STIM1: variants seen among roughly 807,000 people sequenced by gnomAD.
STIM1 encodes stromal interaction molecule 1.
STIM1 carries 25 observed loss-of-function variants against 74.7 expected under a neutral mutation model. The ratio of observed to expected loss-of-function variants is 0.33; its 90% confidence interval spans 0.24 to 0.47. The LOEUF is 0.47. STIM1 is among the 20% of genes least tolerant of loss of function. The probability of loss-of-function intolerance (pLI) is 1.00; values close to 1 mark genes in which losing one functional copy is unlikely to be tolerated. For missense variants in STIM1, 728 were observed against 920.8 expected, an observed-to-expected ratio of 0.79 and a Z score of 2.71; for synonymous variants, 328 against 348.8, an observed-to-expected ratio of 0.94 and a Z score of 0.66.
chr11:3,878,245 A>G (rs925088922), intron 1 of STIM1, among the ~76,000 whole-genome samples: 3 of 152,108 alleles, frequency 2.0e-5, no homozygotes, highest in Non-Finnish European at 4.4e-5. Flanking sequence ...AGAAAAGGGA[A>G]CTTTTGCTGA....
At chr11:3,865,953 G>A (rs2090839094) in intron 1 of STIM1, among the ~76,000 whole-genome samples, 1 of 152,204 alleles carries the variant, frequency 6.6e-6, no homozygotes, top group East Asian at 1.9e-4. Flanking sequence ...TTTCTTTTGT[G>A]TGAGAAGTCA....
chr11:3,984,066 A>T (rs2093534121), intron 2 of STIM1, among the ~76,000 whole-genome samples: 1 of 151,792 alleles, frequency 6.6e-6, no homozygotes, highest in South Asian at 2.1e-4. Context: ...GGGGTTTCAT[A>T]TGTTGGTCAG....
In STIM1 at chr11:3,916,577, G is replaced by A. The variant is rs569298306; in HGVS notation, c.140-50975G>A. Among the ~76,000 whole-genome samples, 78 of 151,518 alleles carry A rather than the reference G, an allele frequency of 5.1e-4. 2 individuals carry two copies. The highest frequency in any genetic ancestry group is 1.3e-3 in the Admixed American group (20 of 15,176). ...AGTGATTCTCCTGCCTCAGCCTCCC[G>A]AGTAGCTGGGATTACAGGTGCCTGC... On this transcript the variant is annotated intron_variant, in intron 1 of 12. Coordinates refer to ENST00000526596, the MANE Select transcript of STIM1 (RefSeq NM_001382567.1).
chr11:3,869,772 T>G (rs891843173), intron 1 of STIM1, among the ~76,000 whole-genome samples: 28 of 152,236 alleles, frequency 1.8e-4, no homozygotes, highest in African/African-American at 6.5e-4. Context: ...TCACAGAATA[T>G]GCACAGTACA....
At chr11:3,878,600 C>T (rs1006379601) in intron 1 of STIM1, among the ~76,000 whole-genome samples, 1 of 152,150 alleles carries the variant, frequency 6.6e-6, no homozygotes, top group Non-Finnish European at 1.5e-5. Context: ...AGGTCTGTCT[C>T]ATTACAGAAT....
chr11:3,994,467 T>G (rs370337846), intron 2 of STIM1, among the ~76,000 whole-genome samples: 2 of 149,454 alleles, frequency 1.3e-5, no homozygotes, highest in Non-Finnish European at 3.0e-5. Flanking sequence ...TTCTTTCTTT[T>G]TTTTTTTTTT....
chr11:3,892,675 A>G (rs2091933011), intron 1 of STIM1: 1 of 1,612,240 alleles, frequency 6.2e-7, no homozygotes, highest in South Asian at 1.1e-5. Context: ...TGCTAGTGCC[A>G]TTATGGTGTG....
chr11:4,088,561 A>G (rs1014570473), intron 12 of STIM1: 9 of 722,746 alleles, frequency 1.2e-5, no homozygotes, highest in Non-Finnish European at 1.9e-5. Context: ...GAGAGGATCA[A>G]ATTGGGTTGG....
intron 1 of STIM1, among the ~76,000 whole-genome samples, chr11:3,919,366 CA>C (rs2092690016): frequency 6.6e-6 from 1 of 152,036 alleles, no homozygotes; most frequent in Non-Finnish European, 1.5e-5. Context: ...CCACCATGTC[CA>C]GCTAATTTTG....
chr11:4,025,263 C>T (rs1300709780), intron 3 of STIM1, among the ~76,000 whole-genome samples: 2 of 152,078 alleles, frequency 1.3e-5, no homozygotes, highest in African/African-American at 2.4e-5. Flanking sequence ...AGATGGGGAG[C>T]ATTAAATGTG....
At chr11:3,990,969 C>T (rs1321883870) in intron 2 of STIM1, among the ~76,000 whole-genome samples, 3 of 152,148 alleles carry the variant, frequency 2.0e-5, no homozygotes, top group Admixed American at 6.5e-5. Flanking sequence ...TATCCCCACT[C>T]CTTTTGGAGA....
chr11:4,013,791 T>G (rs10835494), intron 2 of STIM1, among the ~76,000 whole-genome samples: 138,087 of 147,982 alleles, frequency 0.93, 64,434 homozygotes, highest in African/African-American at 0.97. Context: ...TGCAAGCTCC[T>G]CCTCCCGGTT....
At chr11:3,920,722 AC>A (rs902855304) in intron 1 of STIM1, among the ~76,000 whole-genome samples, 41 of 152,198 alleles carry the variant, frequency 2.7e-4, no homozygotes, top group African/African-American at 9.9e-4. Context: ...AAGATAGTGA[AC>A]CAAACCCAAT....
intron 2 of STIM1, among the ~76,000 whole-genome samples, chr11:4,008,202 A>C (rs539858128): frequency 6.6e-6 from 1 of 152,122 alleles, no homozygotes; most frequent in Non-Finnish European, 1.5e-5. Flanking sequence ...ACAACTCCCT[A>C]CAATATTGAG....
At chr11:3,933,853 G>A (rs2092901329) in intron 1 of STIM1, among the ~76,000 whole-genome samples, 1 of 152,220 alleles carries the variant, frequency 6.6e-6, no homozygotes, top group African/African-American at 2.4e-5. Flanking sequence ...GGAAGATGGG[G>A]ATGGCTCATT....
At chr11:3,948,799 T>G (rs987004581) in intron 1 of STIM1, among the ~76,000 whole-genome samples, 3 of 152,224 alleles carry the variant, frequency 2.0e-5, no homozygotes, top group African/African-American at 7.2e-5. Context: ...TAATTTAGAT[T>G]GTACCTTCCT....
At chr11:3,993,164 G>A (rs1009912043) in intron 2 of STIM1, among the ~76,000 whole-genome samples, 3 of 151,826 alleles carry the variant, frequency 2.0e-5, no homozygotes, top group African/African-American at 7.3e-5. Context: ...AGTTAGCAAG[G>A]CCCTCTGTGA....
intron 2 of STIM1, chr11:3,989,483 G>C (rs1272357453): frequency 3.1e-6 from 2 of 654,474 alleles, no homozygotes; most frequent in African/African-American, 3.6e-5. Context: ...TGGAGGGTGC[G>C]TGCGGGATGT....
intron 2 of STIM1, chr11:4,019,238 T>G (rs933853771): frequency 1.3e-5 from 2 of 152,234 alleles, no homozygotes; most frequent in South Asian, 4.1e-4. Flanking sequence ...CCTTGATTCC[T>G]CTCATTAAAA....
Sources: gnomAD v4.1 joint callset for allele counts (sites outside exome capture counted in the v4.1 genomes callset) on GRCh38, gnomAD v4.1.1 for gene constraint, MANE v1.5 for transcripts, NCBI Gene and HGNC (gene_info 2026-07-23, HGNC 2026-07-21) for gene names.